PREX1: variants seen among roughly 807,000 people sequenced by gnomAD.
PREX1 encodes phosphatidylinositol-3,4,5-trisphosphate dependent Rac exchange factor 1.
Under a neutral mutation model 198.3 loss-of-function variants are expected in PREX1, and 41 were observed. The observed-to-expected ratio is 0.21, with a 90% CI of 0.16 to 0.27. PREX1 has a LOEUF of 0.27. PREX1 is among the 10% of genes least tolerant of loss of function. PREX1 has a pLI of 1.00. For synonymous variants in PREX1, 843 were observed against 887.2 expected (o/e 0.95, Z 0.89); for missense variants, 1,620 against 2,200.7 (o/e 0.74, Z 5.28).
At chr20:48,883,263 TAGAA>T in the PREX1 span, among the ~76,000 whole-genome samples, 1 of 151,932 alleles carries the variant, frequency 6.6e-6, no homozygotes, top group Non-Finnish European at 1.5e-5. Context: ...AAACCACAAA[TAGAA>T]AGGGCATTGT....
intron 15 of PREX1, among the ~76,000 whole-genome samples, chr20:48,662,808 G>A (rs1195371889): frequency 2.6e-5 from 4 of 152,166 alleles, no homozygotes; most frequent in South Asian, 2.1e-4. Flanking sequence ...GCAGGGTCAC[G>A]CCCTGCAATT....
chr20:48,782,936 T>C (rs2090296392), intron 1 of PREX1, among the ~76,000 whole-genome samples: 1 of 152,024 alleles, frequency 6.6e-6, no homozygotes, highest in Non-Finnish European at 1.5e-5. Context: ...AAAAGGACTG[T>C]AGGAGGTGAC....
intron 15 of PREX1, among the ~76,000 whole-genome samples, chr20:48,660,554 G>GAACAGTAA (rs2089583302): frequency 6.6e-6 from 1 of 152,212 alleles, no homozygotes; most frequent in African/African-American, 2.4e-5. Context: ...ACCTACGTAT[G>GAACAGTAA]AACAGTAAAA....
chr20:48,783,676 C>T (rs534710508), intron 1 of PREX1, among the ~76,000 whole-genome samples: 1 of 152,116 alleles, frequency 6.6e-6, no homozygotes, highest in African/African-American at 2.4e-5. Flanking sequence ...ACCCTGACAC[C>T]GTGTCTCAAT....
chr20:48,625,610 C>G lies in PREX1; in HGVS notation c.*275G>C. ...GACGCAGGAGCCGAAGGCCAGGCAC[C>G]AGCTGCTCCCATCAGCTCTATGGGT... On this transcript the variant is annotated 3_prime_UTR_variant, in exon 40 of 40. Transcript: ENST00000371941. 2 of 416,164 alleles carry G rather than the reference C, an allele frequency of 4.8e-6. No individual in the cohort carries two copies. The highest frequency in any genetic ancestry group is 9.5e-5 in the South Asian group (2 of 21,088). The allele number at this position is 416,164 out of a possible 1,614,324, so 25.8% of individuals were successfully genotyped here.
chr20:48,739,644 C>T (rs2090072405), intron 3 of PREX1, among the ~76,000 whole-genome samples: 1 of 152,174 alleles, frequency 6.6e-6, no homozygotes, highest in Non-Finnish European at 1.5e-5. Flanking sequence ...CAGCACGGAG[C>T]AAGTCTGTCT....
intron 3 of PREX1, among the ~76,000 whole-genome samples, chr20:48,744,119 C>T (rs760812437): frequency 1.3e-5 from 2 of 152,156 alleles, no homozygotes; most frequent in Non-Finnish European, 1.5e-5. Flanking sequence ...TCTCTGTTGT[C>T]GGGGCTGTCA....
chr20:48,868,578 C>T, the PREX1 span, among the ~76,000 whole-genome samples: 1 of 152,132 alleles, frequency 6.6e-6, no homozygotes, highest in African/African-American at 2.4e-5. Flanking sequence ...ATCCAACTGC[C>T]TCAGCCTCCC....
rs2122805128 is a variant in PREX1 at position 48,629,396 on chromosome 20, C to G, written c.4766+53G>C. The G allele has an allele frequency of 2.5e-6, 4 of 1,589,452 alleles. No homozygotes were observed. The East Asian group carries it at 9.0e-5, about 36-fold the overall frequency. ...CCTTGCCACAGGACCCCAAACTGACCAGAAGCTAGGCCAGCCCCTCCCCAC... is the reference window on the plus strand; with the variant it reads ...CCTTGCCACAGGACCCCAAACTGACGAGAAGCTAGGCCAGCCCCTCCCCAC... On this transcript the variant is annotated intron_variant, in intron 37 of 39. Transcript: ENST00000371941.
chr20:48,752,965 G>A (rs779562825), intron 1 of PREX1, among the ~76,000 whole-genome samples: 1 of 152,104 alleles, frequency 6.6e-6, no homozygotes, highest in Non-Finnish European at 1.5e-5. Context: ...GTATACTCTC[G>A]TCGACTGGGG....
intron 39 of PREX1, among the ~76,000 whole-genome samples, chr20:48,626,358 T>TGCTGCACATGTGGTCTGATGTGGTCAGC (rs2089272506): frequency 2.0e-5 from 3 of 152,232 alleles, no homozygotes; most frequent in African/African-American, 7.2e-5. Flanking sequence ...CAGACTGCAA[T>TGCTGCACATGTGGTCTGATGTGGTCAGC]GCTGCACATG....
upstream of PREX1, among the ~76,000 whole-genome samples, chr20:48,828,234 C>G (rs2090521029): frequency 6.6e-6 from 1 of 151,418 alleles, no homozygotes; most frequent in South Asian, 2.1e-4. Context: ...CGGGCGGGAG[C>G]CTCCGGAAGG....
chr20:48,863,001 T>G, the PREX1 span, among the ~76,000 whole-genome samples: 71 of 151,730 alleles, frequency 4.7e-4, no homozygotes, highest in African/African-American at 1.6e-3. Flanking sequence ...ATTTTTTATT[T>G]TTTCTTTGTA....
chr20:48,819,392 G>A (rs1005243097), intron 1 of PREX1, among the ~76,000 whole-genome samples: 28 of 152,134 alleles, frequency 1.8e-4, no homozygotes, highest in African/African-American at 6.8e-4. Context: ...CTTTCCACCA[G>A]GGCTCCTTCT....
At chr20:48,706,670 A>G (rs1007981539) in intron 6 of PREX1, among the ~76,000 whole-genome samples, 10 of 152,208 alleles carry the variant, frequency 6.6e-5, no homozygotes, top group Non-Finnish European at 1.3e-4. Context: ...CTCACCAGAG[A>G]CCAAATCAGA....
At position 48,726,284 on chromosome 20, in the gene PREX1, T is replaced by C. The variant is rs768633754; in HGVS notation, c.621+6A>G. On this transcript the variant is annotated splice_donor_region_variant and intron_variant, in intron 5 of 39. Coordinates refer to ENST00000371941, the MANE Select transcript of PREX1 (RefSeq NM_020820.4). ...TTCTGTCACTTCAAATACGGGAAAG[T>C]CTCACCTTAAGGAGGAGCGGGTACT... The C allele has an allele frequency of 6.8e-6, 11 of 1,609,962 alleles. No individual in the cohort carries two copies. The highest frequency in any genetic ancestry group is 9.3e-6 in the Non-Finnish European group (11 of 1,176,764).
upstream of PREX1, among the ~76,000 whole-genome samples, chr20:48,828,409 G>C (rs914712243): frequency 2.0e-5 from 3 of 152,092 alleles, no homozygotes; most frequent in African/African-American, 7.2e-5. Flanking sequence ...TTGCAGGTCC[G>C]GCCGCTGCTC....
intron 1 of PREX1, among the ~76,000 whole-genome samples, chr20:48,793,180 G>A (rs1315271538): frequency 6.6e-6 from 1 of 152,150 alleles, no homozygotes; most frequent in Admixed American, 6.5e-5. Context: ...CTCCATCCTG[G>A]ATAACAGAGC....
rs1601021213 is a variant in PREX1 at position 48,625,179 on chromosome 20, A to G, written c.*706T>C. ...AAATATATAATCACACAACTTTAGA[A>G]AAAACAAACTTTGACAACACCAACA... On this transcript the variant is annotated 3_prime_UTR_variant, in exon 40 of 40. Transcript: ENST00000371941. The G allele has an allele frequency of 6.5e-6, 1 of 152,758 alleles. No individual in the cohort carries two copies. Among genetic ancestry groups the G allele is most frequent in the East Asian group, 1.9e-4 (1 of 5,188 alleles). The allele number at this position is 152,758 out of a possible 1,614,324, so 9.5% of individuals were successfully genotyped here. A position where few individuals can be genotyped will look rare whatever the true frequency, so the allele number is the denominator to read the frequency against.
Sources: gnomAD v4.1 joint callset for allele counts (sites outside exome capture counted in the v4.1 genomes callset) on GRCh38, gnomAD v4.1.1 for gene constraint, MANE v1.5 for transcripts, NCBI Gene and HGNC (gene_info 2026-07-23, HGNC 2026-07-21) for gene names.